Variants in FHIP2A observed in about 807,000 individuals in gnomAD.
FHIP2A encodes the protein FHF complex subunit HOOK interacting protein 2A.
A neutral mutation model predicts 93.5 loss-of-function variants in FHIP2A; 46 were observed. The observed-to-expected ratio is 0.49, with a 90% CI of 0.39 to 0.63. The LOEUF (loss-of-function observed/expected upper bound fraction) is 0.63, where lower values mean the gene tolerates loss of function less well. Ranked by LOEUF, FHIP2A falls within the 20% of genes least tolerant of loss-of-function variation. The pLI, the probability that FHIP2A is intolerant of heterozygous loss-of-function variation, is 0.00. For missense variants in FHIP2A, 769 were observed against 909.7 expected, an observed-to-expected ratio of 0.85 and a Z score of 1.99; for synonymous variants, 332 against 326.5, an observed-to-expected ratio of 1.02 and a Z score of -0.18.
chr10:114,829,310 A>G (rs543829574), intron 1 of FHIP2A, among the ~76,000 whole-genome samples: 2 of 150,248 alleles, frequency 1.3e-5, no homozygotes, highest in African/African-American at 4.9e-5. Flanking sequence ...TTTAGACTAT[A>G]TAGGGATGGC....
intron 16 of FHIP2A, among the ~76,000 whole-genome samples, chr10:114,896,149 G>A (rs1414608482): frequency 6.6e-6 from 1 of 152,046 alleles, no homozygotes; most frequent in Non-Finnish European, 1.5e-5. Context: ...GAGGAACCAT[G>A]TCTGGAACAC....
chr10:114,867,631 T>C (rs1408778528), downstream of FHIP2A, among the ~76,000 whole-genome samples: 1 of 152,172 alleles, frequency 6.6e-6, no homozygotes. Context: ...GCATATCCAA[T>C]TAAGAGAGAA....
chr10:114,823,950 A>T (rs1204687420), intron 1 of FHIP2A, among the ~76,000 whole-genome samples: 2 of 152,074 alleles, frequency 1.3e-5, no homozygotes, highest in Non-Finnish European at 2.9e-5. Flanking sequence ...TTTGAGGGGG[A>T]AAAAAATTCT....
chr10:114,850,558 T>C (rs1013296178), intron 13 of FHIP2A, among the ~76,000 whole-genome samples: 17 of 152,134 alleles, frequency 1.1e-4, no homozygotes, highest in African/African-American at 4.1e-4. Context: ...AAATTATCCG[T>C]GTGTGGTGGC....
At chr10:114,875,589 A>G (rs2083880882) in intron 16 of FHIP2A, among the ~76,000 whole-genome samples, 1 of 152,040 alleles carries the variant, frequency 6.6e-6, no homozygotes, top group African/African-American at 2.4e-5. Flanking sequence ...CCAGCTACTC[A>G]GGAGGCTGAG....
intron 1 of FHIP2A, among the ~76,000 whole-genome samples, chr10:114,826,996 A>G (rs1198357826): frequency 6.6e-6 from 1 of 152,226 alleles, no homozygotes; most frequent in Non-Finnish European, 1.5e-5. Flanking sequence ...CTCTGTCTCA[A>G]AAATCAAATA....
At chr10:114,860,167 C>A (rs2083789182) in intron 14 of FHIP2A, among the ~76,000 whole-genome samples, 1 of 152,118 alleles carries the variant, frequency 6.6e-6, no homozygotes, top group Admixed American at 6.5e-5. Flanking sequence ...TTAATTGAAT[C>A]AACCTGCATA....
intron 16 of FHIP2A, among the ~76,000 whole-genome samples, chr10:114,869,850 G>A (rs1391580360): frequency 6.6e-6 from 1 of 152,126 alleles, no homozygotes; most frequent in Admixed American, 6.6e-5. Context: ...AGTTCTTAAT[G>A]GTTGGAGTCT....
chr10:114,827,014 G>A (rs2083580682), intron 1 of FHIP2A, among the ~76,000 whole-genome samples: 1 of 152,066 alleles, frequency 6.6e-6, no homozygotes, highest in African/African-American at 2.4e-5. Flanking sequence ...ATAAAATCTG[G>A]GAGTGGAATG....
At chr10:114,873,496 A>G (rs1380935021) in intron 16 of FHIP2A, among the ~76,000 whole-genome samples, 3 of 152,212 alleles carry the variant, frequency 2.0e-5, no homozygotes, top group Admixed American at 6.5e-5. Context: ...GTCACCGTAG[A>G]TAGCTCACAC....
At chr10:114,888,849 C>A (rs1223807406) in intron 16 of FHIP2A, among the ~76,000 whole-genome samples, 1 of 152,136 alleles carries the variant, frequency 6.6e-6, no homozygotes, top group Non-Finnish European at 1.5e-5. Flanking sequence ...GTGATCTGCC[C>A]ACCTCGGCTT....
chr10:114,870,985 G>T (rs572499462), intron 16 of FHIP2A, among the ~76,000 whole-genome samples: 9 of 151,876 alleles, frequency 5.9e-5, no homozygotes, highest in African/African-American at 1.7e-4. Context: ...TATCACCTCA[G>T]CAATGGGTCC....
At chr10:114,835,001 G>A (rs78713046) in intron 3 of FHIP2A, among the ~76,000 whole-genome samples, 4,928 of 152,262 alleles carry the variant, frequency 0.032, 113 homozygotes, top group Middle Eastern at 0.041. Context: ...CGTGTATACC[G>A]AGGCACAGCT....
intron 6 of FHIP2A, 86 bp downstream of exon 6, chr10:114,843,312 A>ATT (rs965975890): frequency 1.4e-4 from 116 of 813,582 alleles, no homozygotes; most frequent in Non-Finnish European, 1.6e-4. Flanking sequence ...TTTTTAATTT[A>ATT]TTTTTTTTTT....
chr10:114,862,331 T>C lies in FHIP2A; in HGVS notation c.*791T>C. 2 of 987,492 alleles carry C rather than the reference T, an allele frequency of 2.0e-6. No individual in the cohort carries two copies. The highest frequency in any genetic ancestry group is 2.4e-6 in the Non-Finnish European group (2 of 830,044). 61.2% of individuals were successfully genotyped at this position (987,492 alleles called of 1,614,324 possible). ...TAAAATTGTATTTTTTTAAGCTAAG[T>C]AACATGTACTGGGTTGAGAACCTTT... On this transcript the variant is annotated 3_prime_UTR_variant, in exon 17 of 17. Coordinates refer to ENST00000369248, the MANE Select transcript of FHIP2A (RefSeq NM_020940.4).
chr10:114,838,445 A>G lies in FHIP2A; in HGVS notation c.522+2199A>G, dbSNP rs554691334. 2.1e-4 allele frequency among the ~76,000 whole-genome samples: 32 copies of G among 152,248 alleles called. No individual in the cohort carries two copies. The South Asian group carries it at 6.2e-3, about 30-fold the overall frequency. The stretch of plus-strand genomic sequence containing the variant: ...ATCATCTTTTGCAAATTTGCTTCAA[A>G]AGGGCTGGAACAGTCTTATGATTTT... On this transcript the variant is annotated intron_variant, in intron 5 of 16. Transcript: ENST00000369248.
chr10:114,833,429 T>A (rs1242529069), intron 3 of FHIP2A, 27 bp downstream of exon 3: 1 of 1,602,622 alleles, frequency 6.2e-7, no homozygotes, highest in African/African-American at 1.3e-5. Context: ...CACCATGTTC[T>A]TGGGCATTAG....
exon 17 of FHIP2A, chr10:114,899,605 C>G (rs764867567): frequency 1.4e-6 from 1 of 712,700 alleles, no homozygotes; most frequent in Non-Finnish European, 2.6e-6. Flanking sequence ...GGCCTTGGAT[C>G]AACTGCCCAC....
intron 16 of FHIP2A, among the ~76,000 whole-genome samples, chr10:114,877,792 A>G (rs74158083): frequency 0.026 from 3,980 of 152,322 alleles, 164 homozygotes; most frequent in African/African-American, 0.089. Context: ...GAATTTCTGC[A>G]TGAAGTCATC....
Sources: gnomAD v4.1 joint callset for allele counts (sites outside exome capture counted in the v4.1 genomes callset) on GRCh38, gnomAD v4.1.1 for gene constraint, MANE v1.5 for transcripts, NCBI Gene and HGNC (gene_info 2026-07-23, HGNC 2026-07-21) for gene names.